SNTG1: variants seen among roughly 807,000 people sequenced by gnomAD.
SNTG1 encodes the protein syntrophin gamma 1.
In SNTG1, 39 loss-of-function variants were observed where a neutral mutation model predicts 74.7. That is an observed-to-expected ratio of 0.52 (90% CI 0.40 to 0.68). The LOEUF is 0.68. Ranked by LOEUF, SNTG1 falls within the 30% of genes least tolerant of loss-of-function variation. The probability of loss-of-function intolerance (pLI) is 0.00; values close to 1 mark genes in which losing one functional copy is unlikely to be tolerated. For missense variants in SNTG1, 685 were observed against 609.5 expected, an observed-to-expected ratio of 1.12 and a Z score of -1.30; for synonymous variants, 254 against 217.1, an observed-to-expected ratio of 1.17 and a Z score of -1.49.
intron 15 of SNTG1, among the ~76,000 whole-genome samples, chr8:50,667,827 TA>T (rs1358958746): frequency 4.0e-5 from 6 of 151,618 alleles, no homozygotes; most frequent in African/African-American, 7.3e-5. Context: ...TTAATATGGT[TA>T]TTTTTTTACT....
intron 13 of SNTG1, among the ~76,000 whole-genome samples, chr8:50,611,405 G>T (rs894874938): frequency 6.6e-6 from 1 of 152,162 alleles, no homozygotes; most frequent in African/African-American, 2.4e-5. Flanking sequence ...ATTATAGTTA[G>T]TGTGGGGAGG....
intron 8 of SNTG1, among the ~76,000 whole-genome samples, chr8:50,494,687 C>A (rs1421053467): frequency 6.6e-6 from 1 of 152,026 alleles, no homozygotes; most frequent in African/African-American, 2.4e-5. Flanking sequence ...GTTTCCATAG[C>A]CACGTGAACT....
intron 1 of SNTG1, among the ~76,000 whole-genome samples, chr8:50,040,662 G>A (rs1050256916): frequency 1.3e-5 from 2 of 152,090 alleles, no homozygotes; most frequent in African/African-American, 2.4e-5. Flanking sequence ...ATAAATGTAA[G>A]ACATTTAAAA....
chr8:50,612,193 G>T (rs976974392), intron 13 of SNTG1, among the ~76,000 whole-genome samples: 1 of 152,160 alleles, frequency 6.6e-6, no homozygotes, highest in Non-Finnish European at 1.5e-5. Context: ...CAACCTTTGT[G>T]CTTTCTAAGA....
At chr8:49,945,911 G>A (rs1233117871) in intron 1 of SNTG1, among the ~76,000 whole-genome samples, 1 of 152,172 alleles carries the variant, frequency 6.6e-6, no homozygotes, top group East Asian at 1.9e-4. Context: ...AAACGTCATC[G>A]CTGTATGAAA....
chr8:50,383,838 A>G (rs998982087), intron 2 of SNTG1, among the ~76,000 whole-genome samples: 1 of 152,192 alleles, frequency 6.6e-6, no homozygotes. Context: ...AGTCAGTATC[A>G]ATCACCCCAG....
chr8:50,406,481 T>G (rs1341878333), intron 4 of SNTG1, among the ~76,000 whole-genome samples: 1 of 152,204 alleles, frequency 6.6e-6, no homozygotes, highest in Non-Finnish European at 1.5e-5. Flanking sequence ...CATCTGTGAT[T>G]CAAGATAAGT....
chr8:50,366,289 G>T (rs1273499760), intron 2 of SNTG1, among the ~76,000 whole-genome samples: 1 of 152,156 alleles, frequency 6.6e-6, no homozygotes, highest in East Asian at 1.9e-4. Flanking sequence ...ACTACTACAT[G>T]GTTGCGCCCA....
At chr8:50,785,202 A>G (rs953635807) in intron 18 of SNTG1, among the ~76,000 whole-genome samples, 6 of 152,150 alleles carry the variant, frequency 3.9e-5, no homozygotes, top group African/African-American at 1.2e-4. Flanking sequence ...GACCAGAAAT[A>G]TATAAAAAAA....
chr8:50,784,683 C>A (rs981180589), intron 18 of SNTG1, among the ~76,000 whole-genome samples: 1 of 152,118 alleles, frequency 6.6e-6, no homozygotes, highest in South Asian at 2.1e-4. Context: ...GGCAACCAGA[C>A]ATGTTGACCT....
chr8:49,942,531 C>CT (rs1227230752), intron 1 of SNTG1, among the ~76,000 whole-genome samples: 1 of 151,994 alleles, frequency 6.6e-6, no homozygotes, highest in African/African-American at 2.4e-5. Flanking sequence ...ATCTGCTGTT[C>CT]TTTTTTCTGC....
intron 5 of SNTG1, among the ~76,000 whole-genome samples, chr8:50,446,379 C>CG (rs1554529175): frequency 6.9e-6 from 1 of 145,806 alleles, no homozygotes; most frequent in Non-Finnish European, 1.5e-5. Context: ...AATTTAAAAG[C>CG]AAAAAAAAAA....
chr8:50,498,596 C>T (rs1244561336), intron 8 of SNTG1, among the ~76,000 whole-genome samples: 2 of 151,814 alleles, frequency 1.3e-5, no homozygotes, highest in Admixed American at 6.6e-5. Flanking sequence ...ATTTTGATTA[C>T]TCCCAACTTA....
chr8:50,405,801 T>C (rs1316078861), intron 4 of SNTG1, among the ~76,000 whole-genome samples: 1 of 152,150 alleles, frequency 6.6e-6, no homozygotes, highest in African/African-American at 2.4e-5. Flanking sequence ...GGTTATATTT[T>C]AAGTTAACTT....
Position 50,530,193 on chromosome 8 carries a change from G to C in SNTG1, c.483G>C (p.Gln161His). Residue 161 changes from glutamine to histidine, a missense_variant, in exon 10 of 19, where the codon CAG becomes CAC. By Grantham distance (24) the Gln-to-His change is conservative (BLOSUM62 0). Transcript: ENST00000642720. ...NEDCACAPSD[Q>H]SSGTSSPLCD... Reference sequence around the variant, plus strand: ...CTCCTGCAGGTGCTCCAAGTGACCAGAGCAGTGGCACCTCCTCTCCTCTCT... The same window carrying C: ...CTCCTGCAGGTGCTCCAAGTGACCACAGCAGTGGCACCTCCTCTCCTCTCT... 1.2e-6 allele frequency: 2 copies of C among 1,613,752 alleles called. No individual in the cohort carries two copies. The highest frequency in any genetic ancestry group is 1.7e-6 in the Non-Finnish European group (2 of 1,179,754).
chr8:50,301,801 T>C lies in SNTG1; in HGVS notation c.-27-92411T>C, dbSNP rs553280216. Among the ~76,000 whole-genome samples, 6 of 152,256 alleles carry C rather than the reference T, an allele frequency of 3.9e-5. No individual in the cohort carries two copies. In the South Asian group the frequency reaches 8.3e-4, roughly 21 times the overall value. On this transcript the variant is annotated intron_variant, in intron 2 of 18. Coordinates refer to ENST00000642720, the MANE Select transcript of SNTG1 (RefSeq NM_018967.5). ...TCTAGAGCTGGTCTGCCCTGAAACA[T>C]GTATTTATTGAAGTTTCTGCTCTGT...
chr8:49,935,591 C>T lies in SNTG1; in HGVS notation c.-103+23360C>T, dbSNP rs140539250. 2.3e-3 allele frequency among the ~76,000 whole-genome samples: 352 copies of T among 151,154 alleles called. 2 individuals are homozygous for T. The highest frequency in any genetic ancestry group is 4.1e-3 in the Non-Finnish European group (279 of 67,864). On this transcript the variant is annotated intron_variant, in intron 1 of 18. Transcript: ENST00000642720. The stretch of plus-strand genomic sequence containing the variant: ...CAGGTGACTCTATCCAAATGCACAC[C>T]GGCTCCCATTTTCCCAGCCCTGGTT...
chr8:50,755,379 T>C (rs987932856), intron 18 of SNTG1, among the ~76,000 whole-genome samples: 5 of 151,998 alleles, frequency 3.3e-5, no homozygotes, highest in African/African-American at 1.2e-4. Context: ...CATATTGGCT[T>C]ATTTTACTTA....
chr8:50,383,608 T>A (rs1338419475), intron 2 of SNTG1, among the ~76,000 whole-genome samples: 1 of 152,158 alleles, frequency 6.6e-6, no homozygotes, highest in Admixed American at 6.5e-5. Flanking sequence ...TTATTCCTTG[T>A]GTCCTCAGCA....
Sources: allele counts gnomAD v4.1 joint callset (sites outside exome capture counted in the v4.1 genomes callset), GRCh38; gene constraint gnomAD v4.1.1; transcripts MANE v1.5; gene names NCBI Gene and HGNC (gene_info 2026-07-23, HGNC 2026-07-21).